DENND1A: variants seen among roughly 807,000 people sequenced by gnomAD.
DENND1A encodes the protein DENN domain-containing protein 1A.
DENND1A carries 51 observed loss-of-function variants against 113.7 expected under a neutral mutation model. The ratio of observed to expected loss-of-function variants is 0.45; its 90% CI spans 0.36 to 0.57. The LOEUF is 0.57. DENND1A is among the 20% of genes least tolerant of loss of function. The pLI is 0.00. For missense variants in DENND1A, 1,258 were observed against 1,395.9 expected, an observed-to-expected ratio of 0.90 and a Z score of 1.57; for synonymous variants, 565 against 570.8, an observed-to-expected ratio of 0.99 and a Z score of 0.14.
intron 10 of DENND1A, among the ~76,000 whole-genome samples, chr9:123,610,140 G>A (rs2060347118): frequency 6.6e-6 from 1 of 152,210 alleles, no homozygotes; most frequent in Admixed American, 6.5e-5. Context: ...CAGTGACTGA[G>A]CAAAGGCATG....
At chr9:123,401,426 A>C (rs2043454121) in intron 21 of DENND1A, 20 of 1,030,404 alleles carry the variant, frequency 1.9e-5, no homozygotes, top group Non-Finnish European at 2.3e-5. Context: ...TGGGAGAACA[A>C]CTTCCCCTTC....
At chr9:123,445,871 AC>A (rs2047268292) in intron 18 of DENND1A, among the ~76,000 whole-genome samples, 1 of 152,206 alleles carries the variant, frequency 6.6e-6, no homozygotes, top group South Asian at 2.1e-4. Flanking sequence ...CATCTCAAAA[AC>A]AAACAAACAA....
chr9:123,743,462 T>C (rs2069193017), intron 5 of DENND1A, among the ~76,000 whole-genome samples: 1 of 151,894 alleles, frequency 6.6e-6, no homozygotes, highest in African/African-American at 2.4e-5. Flanking sequence ...CCGGGCGCGG[T>C]GGCTCACTCC....
chr9:123,795,559 G>C (rs1833641563), intron 2 of DENND1A, among the ~76,000 whole-genome samples: 1 of 152,148 alleles, frequency 6.6e-6, no homozygotes, highest in South Asian at 2.1e-4. Flanking sequence ...CCACTTGCGT[G>C]TCTGTATGTT....
chr9:123,475,220 T>C (rs1232752625), intron 13 of DENND1A, among the ~76,000 whole-genome samples: 1 of 152,154 alleles, frequency 6.6e-6, no homozygotes, highest in African/African-American at 2.4e-5. Context: ...GGTTTTGTCA[T>C]GTTGGCCAAG....
At chr9:123,567,878 A>G (rs1481603923) in intron 12 of DENND1A, among the ~76,000 whole-genome samples, 1 of 152,230 alleles carries the variant, frequency 6.6e-6, no homozygotes, top group Non-Finnish European at 1.5e-5. Context: ...TTTAACCATC[A>G]GTTCACAGCT....
At chr9:123,605,037 G>C (rs2060093762) in intron 11 of DENND1A, among the ~76,000 whole-genome samples, 1 of 152,162 alleles carries the variant, frequency 6.6e-6, no homozygotes, top group Non-Finnish European at 1.5e-5. Context: ...TGAGAAAATA[G>C]AGACTCAGAG....
At chr9:123,459,113 G>T (rs1440063049) in intron 13 of DENND1A, among the ~76,000 whole-genome samples, 1 of 152,240 alleles carries the variant, frequency 6.6e-6, no homozygotes, top group Non-Finnish European at 1.5e-5. Flanking sequence ...AGGTTGCAGT[G>T]AACTGAGATG....
At chr9:123,390,737 C>A (rs1490780229) in intron 21 of DENND1A, among the ~76,000 whole-genome samples, 4 of 152,240 alleles carry the variant, frequency 2.6e-5, no homozygotes, top group Admixed American at 6.5e-5. Flanking sequence ...GGATGGTCCA[C>A]CCCCAGGGGC....
intron 2 of DENND1A, among the ~76,000 whole-genome samples, chr9:123,873,910 T>C (rs1443649406): frequency 6.6e-6 from 1 of 152,040 alleles, no homozygotes; most frequent in Admixed American, 6.5e-5. Context: ...GCCTGGCTAG[T>C]TTTTGTATTT....
rs543769476 is a variant in DENND1A, at chr9:123,682,042, G to A, written c.303-5253C>T. Among the ~76,000 whole-genome samples the A allele has an allele frequency of 1.2e-4, 18 of 152,298 alleles. No homozygotes were observed. In the East Asian group the frequency reaches 1.9e-3, roughly 16 times the overall value. On this transcript the variant is annotated intron_variant, in intron 5 of 23. Transcript: ENST00000394215. ...GACAGGCAGAAGAAAGCGCATGAGC[G>A]ATGGCTTTAGAACCAGGTGGGAAGT...
intron 9 of DENND1A, among the ~76,000 whole-genome samples, chr9:123,641,146 G>C (rs1415222630): frequency 6.6e-6 from 1 of 152,196 alleles, no homozygotes; most frequent in African/African-American, 2.4e-5. Flanking sequence ...AGGAAATTAT[G>C]AGTCCTTGCT....
intron 1 of DENND1A, among the ~76,000 whole-genome samples, chr9:123,900,022 C>A (rs755014665): frequency 6.6e-6 from 1 of 152,206 alleles, no homozygotes; most frequent in Non-Finnish European, 1.5e-5. Context: ...TAAACCAGCA[C>A]GTTCTGGATT....
At chr9:123,924,690 T>C (rs1458984380) in intron 1 of DENND1A, among the ~76,000 whole-genome samples, 3 of 152,118 alleles carry the variant, frequency 2.0e-5, no homozygotes, top group Non-Finnish European at 2.9e-5. Flanking sequence ...GTGAATCTTA[T>C]GTTGTAATCT....
intron 2 of DENND1A, among the ~76,000 whole-genome samples, chr9:123,825,238 AACAT>A (rs1839122836): frequency 1.3e-5 from 2 of 152,172 alleles, no homozygotes; most frequent in South Asian, 4.1e-4. Context: ...TAAAAAGTAA[AACAT>A]AAGCACAATC....
intron 13 of DENND1A, among the ~76,000 whole-genome samples, chr9:123,547,844 G>A (rs977762842): frequency 1.2e-4 from 18 of 152,144 alleles, no homozygotes; most frequent in African/African-American, 3.1e-4. Context: ...CTAGAATGTC[G>A]CAGTCTCATC....
At chr9:123,818,134 G>A (rs564224129) in intron 2 of DENND1A, among the ~76,000 whole-genome samples, 35 of 151,974 alleles carry the variant, frequency 2.3e-4, no homozygotes, top group East Asian at 1.4e-3. Context: ...ACAGAGTCTC[G>A]CTGTCGCCCA....
At chr9:123,916,106 T>C (rs971417175) in intron 1 of DENND1A, among the ~76,000 whole-genome samples, 1 of 152,092 alleles carries the variant, frequency 6.6e-6, no homozygotes, top group Non-Finnish European at 1.5e-5. Context: ...GCACCATTTG[T>C]AATAATAAAA....
At chr9:123,734,764 ATGGG>A (rs1479757488) in intron 5 of DENND1A, among the ~76,000 whole-genome samples, 1 of 152,162 alleles carries the variant, frequency 6.6e-6, no homozygotes, top group Non-Finnish European at 1.5e-5. Flanking sequence ...TAGACATATG[ATGGG>A]TGTGTATTAC....
Sources: allele counts gnomAD v4.1 joint callset (sites outside exome capture counted in the v4.1 genomes callset), GRCh38; gene constraint gnomAD v4.1.1; transcripts MANE v1.5; gene names NCBI Gene and HGNC (gene_info 2026-07-23, HGNC 2026-07-21).